Variants in SI observed in about 807,000 individuals in gnomAD.
The protein encoded by SI is sucrase-isomaltase, intestinal.
A neutral mutation model predicts 253.3 loss-of-function variants in SI; 235 were observed. That is an observed-to-expected ratio of 0.93 (90% confidence interval 0.83 to 1.03). The LOEUF is 1.03. SI is among the 50% of genes least tolerant of loss of function. SI has a pLI of 0.00. For missense variants in SI, 2,442 were observed against 2,211.1 expected, an observed-to-expected ratio of 1.10 and a Z score of -2.09; for synonymous variants, 819 against 712.0, an observed-to-expected ratio of 1.15 and a Z score of -2.39.
rs1463261716 is a variant in SI at position 165,067,409 on chromosome 3, A to G, written c.566T>C (p.Leu189Ser). 2 of 1,612,450 alleles carry G rather than the reference A, an allele frequency of 1.2e-6. No individual in the cohort carries two copies. Among genetic ancestry groups the G allele is most frequent in the East Asian group, 2.2e-5 (1 of 44,722 alleles). Residue 189 changes from leucine (L) to serine (S), a missense_variant, in exon 6 of 48, where the codon TTG becomes TCG. Transcript: ENST00000264382. ...EFTGPTVSDT[L>S]YDVKVAQNPF... ...GTTTTGGGCAACCTTCACATCATAC[A>G]ACGTATCAGAAACTGTGGGTCCAGT...
chr3:165,009,258 G>A (rs1418771805), intron 35 of SI, 21 bp downstream of exon 35: 11 of 1,457,800 alleles, frequency 7.5e-6, no homozygotes, highest in Non-Finnish European at 1.1e-5. Context: ...TTAAAACATA[G>A]ATTGTTCAAA....
Position 165,049,151 on chromosome 3 carries a change from T to C in SI, c.1691A>G (p.Tyr564Cys). The C allele has an allele frequency of 6.3e-7, 1 of 1,599,582 alleles. No homozygotes were observed. Among genetic ancestry groups the C allele is most frequent in the Non-Finnish European group, 8.6e-7 (1 of 1,166,868 alleles). Residue 564 changes from tyrosine (Y) to cysteine (C), a missense_variant, in exon 15 of 48, where the codon TAC becomes TGC. Transcript: ENST00000264382. ...KQYDVHSLYG[Y>C]SMAIATEQAV... ...CTGCTCTGTGGCTATAGCCATGCTGTATCCATAGAGGCTATGAACATCATA... is the reference window on the plus strand; with the variant it reads ...CTGCTCTGTGGCTATAGCCATGCTGCATCCATAGAGGCTATGAACATCATA...
chr3:165,058,884 A>ACACACG (rs1236952458), intron 12 of SI, 79 bp downstream of exon 12: 5 of 1,173,370 alleles, frequency 4.3e-6, no homozygotes, highest in African/African-American at 1.5e-5. Flanking sequence ...ACACACACAC[A>ACACACG]CACGCACATC....
chr3:164,990,167 C>T (rs548237416), intron 44 of SI, among the ~76,000 whole-genome samples: 2 of 151,902 alleles, frequency 1.3e-5, no homozygotes, highest in South Asian at 2.1e-4. Context: ...CATGTGTGGG[C>T]GAGCAGGGGG....
chr3:165,058,859 T>TACATAC (rs1553777263), intron 12 of SI, 104 bp downstream of exon 12: 4 of 639,326 alleles, frequency 6.3e-6, no homozygotes, highest in East Asian at 6.0e-5. Flanking sequence ...AAAGCAGACA[T>TACATAC]ACACACACAC....
chr3:165,025,119 C>A (rs1006785461), intron 25 of SI, among the ~76,000 whole-genome samples: 5 of 151,048 alleles, frequency 3.3e-5, no homozygotes, highest in African/African-American at 1.2e-4. Context: ...TTTGTAATCG[C>A]CCAGGGTTTA....
chr3:165,063,319 CAT>C, intron 8 of SI, 121 bp downstream of exon 8: 2 of 506,616 alleles, frequency 3.9e-6, no homozygotes, highest in East Asian at 3.4e-5. Flanking sequence ...AATAATGTCA[CAT>C]GTTAATATTA....
chr3:164,983,564 A>G (rs567946385), intron 45 of SI, among the ~76,000 whole-genome samples: 1 of 152,176 alleles, frequency 6.6e-6, no homozygotes, highest in South Asian at 2.1e-4. Context: ...GTTTATAGCC[A>G]CCTCTTTAAG....
At chr3:165,087,477 C>A in the SI span, among the ~76,000 whole-genome samples, 1 of 152,150 alleles carries the variant, frequency 6.6e-6, no homozygotes, top group East Asian at 1.9e-4. Context: ...AAAACACACT[C>A]TGCAAGCCAA....
intron 22 of SI, among the ~76,000 whole-genome samples, chr3:165,034,700 G>A (rs1361295654): frequency 1.3e-5 from 2 of 152,030 alleles, no homozygotes; most frequent in Non-Finnish European, 2.9e-5. Context: ...GTGGGTGCGT[G>A]TATGTGTGTG....
rs1298061789 is a variant in SI at position 165,041,103 on chromosome 3, TAGAA to T, written c.2005-13_2005-10del. The T allele has an allele frequency of 5.0e-6, 8 of 1,611,736 alleles. No homozygotes were observed. Among genetic ancestry groups the T allele is most frequent in the Admixed American group, 1.7e-5 (1 of 59,878 alleles). ...AATGCAGGATCCTGATGCTGTGAGA[TAGAA>T]AGAGAAATTAAAATAAGAAAGCTAA... is the stretch of plus-strand genomic sequence containing the variant. On this transcript the variant is annotated splice_polypyrimidine_tract_variant and intron_variant, in intron 17 of 47. Transcript: ENST00000264382.
At chr3:165,004,451 T>A (rs1718405282) in intron 37 of SI, among the ~76,000 whole-genome samples, 1 of 152,134 alleles carries the variant, frequency 6.6e-6, no homozygotes, top group Non-Finnish European at 1.5e-5. Flanking sequence ...CTGCTGAATA[T>A]GCATCCAAAA....
chr3:165,047,033 A>G (rs1297630004), intron 15 of SI, 21 bp from the exon 16 acceptor site: 3 of 1,497,550 alleles, frequency 2.0e-6, no homozygotes, highest in African/African-American at 2.8e-5. Flanking sequence ...AACCAAATTA[A>G]CAAATACAAT....
At chr3:165,049,035 G>T in intron 15 of SI, 92 bp downstream of exon 15, 2 of 805,974 alleles carry the variant, frequency 2.5e-6, no homozygotes, top group Non-Finnish European at 4.4e-6. Flanking sequence ...TTTCAACTTT[G>T]CTATTTCCTA....
chr3:165,023,366 A>G (rs1378726260), intron 26 of SI, among the ~76,000 whole-genome samples: 1 of 151,586 alleles, frequency 6.6e-6, no homozygotes, highest in Non-Finnish European at 1.5e-5. Flanking sequence ...TCATTGTATT[A>G]ATCACAAAGT....
At chr3:165,070,090 T>C (rs1400368291) in intron 3 of SI, among the ~76,000 whole-genome samples, 1 of 146,816 alleles carries the variant, frequency 6.8e-6, no homozygotes, top group Non-Finnish European at 1.5e-5. Context: ...GTATATGTAC[T>C]ATATATTTAT....
intron 27 of SI, 79 bp from the exon 28 acceptor site, chr3:165,019,849 C>T (rs576949946): frequency 8.2e-7 from 1 of 1,221,222 alleles, no homozygotes; most frequent in African/African-American, 1.5e-5. Flanking sequence ...GTAATTCTTT[C>T]TTAGATTATC....
chr3:165,011,320 C>T (rs144887489), intron 34 of SI, among the ~76,000 whole-genome samples: 2 of 152,124 alleles, frequency 1.3e-5, no homozygotes, highest in African/African-American at 4.8e-5. Context: ...TTTTGTTTGT[C>T]TGAAGAAATT....
chr3:165,062,371 C>A lies in SI; in HGVS notation c.1020G>T (p.Gln340His), dbSNP rs1443881570. 6.9e-7 allele frequency: 1 copy of A among 1,455,410 alleles called. No homozygotes were observed. The allele number at this position is 1,455,410 out of a possible 1,614,324, so 90.2% of individuals were successfully genotyped here. ...TPEQVVQQYQQLVGLPAMPAY... is the reference protein window; with the variant it reads ...TPEQVVQQYQHLVGLPAMPAY... ...TTTATAAAATAGACCTGAAACACAC[C>A]TGTTGATACTGTTGAACTACTTGTT... The change falls in exon 9 of 48, where the codon CAG becomes CAT. Residue 340 changes from glutamine to histidine, a missense_variant and splice_region_variant. By Grantham distance (24) the Gln-to-His change is conservative. Transcript: ENST00000264382.
Sources: gnomAD v4.1 joint callset for allele counts (sites outside exome capture counted in the v4.1 genomes callset) on GRCh38, gnomAD v4.1.1 for gene constraint, MANE v1.5 for transcripts, NCBI Gene and HGNC (gene_info 2026-07-23, HGNC 2026-07-21) for gene names.